Variants in TIAM2 observed in about 807,000 individuals in gnomAD.
The protein encoded by TIAM2 is rho guanine nucleotide exchange factor TIAM2.
Under a neutral mutation model 152.9 loss-of-function variants are expected in TIAM2, and 80 were observed. The ratio of observed to expected loss-of-function variants is 0.52; its 90% CI spans 0.44 to 0.63. The LOEUF (loss-of-function observed/expected upper bound fraction) is 0.63. Among genes scored for constraint, TIAM2 ranks in the 30% least tolerant of loss-of-function variants. The pLI is 0.00. For missense variants in TIAM2, 1,965 were observed against 2,120.1 expected, an observed-to-expected ratio of 0.93 and a Z score of 1.44; for synonymous variants, 804 against 838.0, an observed-to-expected ratio of 0.96 and a Z score of 0.70.
chr6:155,234,569 A>T (rs908796212), intron 15 of TIAM2, among the ~76,000 whole-genome samples: 8 of 151,464 alleles, frequency 5.3e-5, no homozygotes, highest in African/African-American at 7.3e-5. Flanking sequence ...TGGCCGGCTA[A>T]TTTTTTTTTA....
intron 4 of TIAM2, among the ~76,000 whole-genome samples, chr6:155,136,310 TG>T (rs1779554281): frequency 6.6e-6 from 1 of 151,872 alleles, no homozygotes; most frequent in African/African-American, 2.4e-5. Flanking sequence ...GTTTCGCTCT[TG>T]TTGCCCAGGC....
chr6:155,025,395 G>A (rs551226407), intron 1 of TIAM2, among the ~76,000 whole-genome samples: 25 of 151,834 alleles, frequency 1.6e-4, no homozygotes, highest in South Asian at 8.3e-4. Flanking sequence ...GGGTTTCACC[G>A]TGGTCTCAAT....
intron 1 of TIAM2, among the ~76,000 whole-genome samples, chr6:155,028,814 A>G (rs1776709294): frequency 7.4e-6 from 1 of 135,086 alleles, no homozygotes; most frequent in South Asian, 2.3e-4. Flanking sequence ...TACTATATAT[A>G]ATATATATAC....
intron 1 of TIAM2, among the ~76,000 whole-genome samples, chr6:155,035,910 A>G (rs529854261): frequency 1.3e-5 from 2 of 152,304 alleles, no homozygotes; most frequent in South Asian, 4.1e-4. Context: ...TTTTTGAAAC[A>G]TGAATGTCTC....
At chr6:155,141,284 T>A (rs887319385) in intron 5 of TIAM2, among the ~76,000 whole-genome samples, 9 of 152,038 alleles carry the variant, frequency 5.9e-5, no homozygotes, top group Admixed American at 2.6e-4. Context: ...CTACACCTCT[T>A]TCCTCTGGGA....
At chr6:155,131,362 G>C (rs1050185325) in intron 4 of TIAM2, among the ~76,000 whole-genome samples, 2 of 149,144 alleles carry the variant, frequency 1.3e-5, no homozygotes, top group African/African-American at 5.0e-5. Context: ...AAAAAAAAAA[G>C]TAAGTACAGA....
At chr6:155,019,493 G>A (rs527619654) in intron 1 of TIAM2, among the ~76,000 whole-genome samples, 14 of 152,294 alleles carry the variant, frequency 9.2e-5, no homozygotes, top group East Asian at 7.7e-4. Context: ...TGTGTTAAAC[G>A]AATGATTAAA....
intron 14 of TIAM2, among the ~76,000 whole-genome samples, chr6:155,193,412 AT>A (rs1019025320): frequency 4.0e-5 from 6 of 149,676 alleles, no homozygotes; most frequent in African/African-American, 1.5e-4. Context: ...TCAAAAAAAA[AT>A]GTCACACTCA....
intron 14 of TIAM2, among the ~76,000 whole-genome samples, chr6:155,196,697 A>T (rs951287121): frequency 6.6e-6 from 1 of 152,228 alleles, no homozygotes; most frequent in African/African-American, 2.4e-5. Flanking sequence ...AGGCAAACAC[A>T]TATTTGTTTA....
rs1200982580 is a variant in TIAM2 at position 155,069,916 on chromosome 6, T to C, written c.-208-20373T>C. Among the ~76,000 whole-genome samples, 178 of 144,654 alleles carry C rather than the reference T, an allele frequency of 1.2e-3. 3 individuals are homozygous for C. In the South Asian group the frequency reaches 0.035, roughly 28 times the overall value. The allele number at this position is 144,654 out of a possible 152,430, so 94.9% of individuals were successfully genotyped here. On this transcript the variant is annotated intron_variant, in intron 1 of 26. Transcript: ENST00000682666. ...TCTGGACAGACATTTCTTTTCTTTT[T>C]TTTTTTTTTTTTTTGAGACAAGGTC...
At chr6:155,212,677 GGGCCCACTAGGCCCACTC>G (rs1198000908) in intron 15 of TIAM2, among the ~76,000 whole-genome samples, 3 of 142,944 alleles carry the variant, frequency 2.1e-5, no homozygotes, top group Non-Finnish European at 4.5e-5. Flanking sequence ...AGTTTTGCTC[GGGCCCACTAGGCCCACTC>G]GGCCCACTCG....
chr6:155,224,165 A>G (rs1310268575), intron 15 of TIAM2, among the ~76,000 whole-genome samples: 2 of 152,194 alleles, frequency 1.3e-5, no homozygotes, highest in African/African-American at 2.4e-5. Context: ...GTGAAAGAAG[A>G]TGTGTTTGAG....
chr6:155,164,332 A>C, intron 7 of TIAM2, 83 bp from the exon 8 acceptor site: 1 of 1,353,310 alleles, frequency 7.4e-7, no homozygotes, highest in Non-Finnish European at 1.0e-6. Context: ...TTTTTCTTCA[A>C]GTTTGTGAAA....
At chr6:155,115,490 A>T (rs1394650104) in intron 2 of TIAM2, among the ~76,000 whole-genome samples, 1 of 151,922 alleles carries the variant, frequency 6.6e-6, no homozygotes, top group Admixed American at 6.6e-5. Context: ...CTTTACAAAC[A>T]ATAAAATAAA....
chr6:155,142,933 G>T (rs11962806), intron 5 of TIAM2, among the ~76,000 whole-genome samples: 7,183 of 152,244 alleles, frequency 0.047, 560 homozygotes, highest in African/African-American at 0.16. Context: ...TTCATATCAA[G>T]ACTTATTTTT....
chr6:155,248,213 T>TA, intron 20 of TIAM2, 34 bp downstream of exon 20: 7 of 1,598,672 alleles, frequency 4.4e-6, no homozygotes, highest in Non-Finnish European at 6.0e-6. Context: ...GGCGAGGGCC[T>TA]GCACAGGGCG....
chr6:155,051,730 C>A (rs891166192), intron 1 of TIAM2, among the ~76,000 whole-genome samples: 1 of 151,968 alleles, frequency 6.6e-6, no homozygotes, highest in Non-Finnish European at 1.5e-5. Context: ...CTGCAACTTC[C>A]GCCTCCCAGG....
intron 9 of TIAM2, among the ~76,000 whole-genome samples, chr6:155,170,084 C>T (rs953177712): frequency 3.9e-5 from 6 of 152,064 alleles, no homozygotes; most frequent in Middle Eastern, 3.2e-3. Flanking sequence ...CCCAAAGTGC[C>T]GAGATTACAG....
At chr6:155,137,799 G>T (rs1382512457) in intron 5 of TIAM2, among the ~76,000 whole-genome samples, 187 bp downstream of exon 5, 2 of 152,188 alleles carry the variant, frequency 1.3e-5, no homozygotes, top group Non-Finnish European at 2.9e-5. Flanking sequence ...CTATTCACAT[G>T]TATTATGCAG....
Sources: allele counts gnomAD v4.1 joint callset (sites outside exome capture counted in the v4.1 genomes callset), GRCh38; gene constraint gnomAD v4.1.1; transcripts MANE v1.5; gene names NCBI Gene and HGNC (gene_info 2026-07-23, HGNC 2026-07-21).